The following DEDD variants were observed in gnomAD, a reference collection of about 807,000 sequenced individuals.
DEDD encodes death effector domain containing.
A neutral mutation model predicts 29.2 loss-of-function variants in DEDD; 3 were observed. The ratio of observed to expected loss-of-function variants is 0.10; its 90% CI spans 0.05 to 0.27. DEDD has a LOEUF of 0.27. DEDD is among the 10% of genes least tolerant of loss of function. The probability of loss-of-function intolerance (pLI) is 1.00; values close to 1 mark genes in which losing one functional copy is unlikely to be tolerated. For synonymous variants in DEDD, 152 were observed against 161.3 expected (o/e 0.94, Z 0.44); for missense variants, 261 against 420.5 (o/e 0.62, Z 3.32).
intron 2 of DEDD, among the ~76,000 whole-genome samples, chr1:161,130,062 CTG>C (rs1198201049): frequency 2.6e-5 from 4 of 152,158 alleles, no homozygotes; most frequent in Non-Finnish European, 4.4e-5. Flanking sequence ...CCAGGAATAT[CTG>C]TAGTTTTTGA....
intron 2 of DEDD, among the ~76,000 whole-genome samples, chr1:161,126,936 T>A (rs1376207083): frequency 3.3e-5 from 5 of 152,172 alleles, no homozygotes; most frequent in African/African-American, 1.2e-4. Flanking sequence ...TACACCCCCA[T>A]GCAGAGATAA....
chr1:161,124,415 A>G lies in DEDD; in HGVS notation c.48T>C (p.His16=). Residue 16 remains histidine, a synonymous_variant, in exon 3 of 6, where the codon CAT becomes CAC. Transcript: ENST00000368006. ...TGTACAGCCCATGTTCCTGCTCACC[A>G]TGCTCTTCTGGCCACACCTGGCTTG... ...RRASQVWPEE[H]GEQEHGLYSL... is the part of the protein sequence containing the mutation. The G allele has an allele frequency of 6.2e-7, 1 of 1,612,044 alleles. No homozygotes were observed. The highest frequency in any genetic ancestry group is 8.5e-7 in the Non-Finnish European group (1 of 1,178,418).
Position 161,121,972 on chromosome 1 carries a change from G to A in DEDD, c.*175C>T. 1 of 775,962 alleles carries A rather than the reference G, an allele frequency of 1.3e-6. No homozygotes were observed. The highest frequency in any genetic ancestry group is 1.9e-5 in the South Asian group (1 of 51,342). 48.1% of individuals were successfully genotyped at this position (775,962 alleles called of 1,614,324 possible). A position where few individuals can be genotyped will look rare whatever the true frequency, so the allele number is the denominator to read the frequency against. ...AATAAAGGGGAAGCCCAGGCACATG[G>A]GTGCAGGGAGGGGTGGGGAATACCA... On this transcript the variant is annotated 3_prime_UTR_variant, in exon 6 of 6. Coordinates refer to ENST00000368006, the MANE Select transcript of DEDD (RefSeq NM_032998.3).
At chr1:161,125,909 A>G (rs1373322803) in intron 2 of DEDD, among the ~76,000 whole-genome samples, 1 of 152,192 alleles carries the variant, frequency 6.6e-6, no homozygotes, top group Non-Finnish European at 1.5e-5. Context: ...CTTGATTCAC[A>G]AAGTTCCTCC....
intron 2 of DEDD, among the ~76,000 whole-genome samples, chr1:161,128,926 T>G (rs980912969): frequency 6.6e-6 from 1 of 152,220 alleles, no homozygotes; most frequent in Non-Finnish European, 1.5e-5. Flanking sequence ...GCCATTCAGC[T>G]GAGGAACAGG....
chr1:161,123,748 C>G, intron 4 of DEDD, 91 bp downstream of exon 4: 2 of 1,177,066 alleles, frequency 1.7e-6, no homozygotes, highest in Middle Eastern at 2.9e-4. Flanking sequence ...GCACAGCATC[C>G]TTTCATTTAA....
In DEDD at chr1:161,121,824, G is replaced by A; in HGVS notation, c.*323C>T. Reference sequence around the variant, plus strand: ...AACTCCTTAGTGCATCCAAAAAAAAGTGTTCACATCAATCCCTTACAAAGA... The same window carrying A: ...AACTCCTTAGTGCATCCAAAAAAAAATGTTCACATCAATCCCTTACAAAGA... On this transcript the variant is annotated 3_prime_UTR_variant, in exon 6 of 6. Transcript: ENST00000368006. 4.2e-6 allele frequency: 1 copy of A among 237,506 alleles called. No individual in the cohort carries two copies. Among genetic ancestry groups the A allele is most frequent in the Non-Finnish European group, 8.4e-6 (1 of 119,498 alleles). The allele number at this position is 237,506 out of a possible 1,614,324, so 14.7% of individuals were successfully genotyped here. A position where few individuals can be genotyped will look rare whatever the true frequency, so the allele number is the denominator to read the frequency against.
At chr1:161,124,754 G>A (rs922377933) in intron 2 of DEDD, 1 of 385,284 alleles carries the variant, frequency 2.6e-6, no homozygotes, top group African/African-American at 2.1e-5. Context: ...TTGAGCCCAG[G>A]CGTTTAAGAC....
Position 161,123,115 on chromosome 1 carries a change from C to G in DEDD, c.540G>C (p.Arg180=), listed in dbSNP as rs558356123. 7.4e-6 allele frequency: 12 copies of G among 1,614,080 alleles called. No individual in the cohort carries two copies. Among genetic ancestry groups the G allele is most frequent in the Middle Eastern group, 1.6e-4 (1 of 6,084 alleles). ...CCTTGGGATCTGGTGTCACTGACTT[C>G]CGGCGTTTTCGCTGGCTCCCAAGTG... The part of the protein sequence containing the change: ...RATLGSQRKR[R]KSVTPDPKEK... The change falls in exon 5 of 6, where the codon CGG becomes CGC. Residue 180 remains arginine, a synonymous_variant. Transcript: ENST00000368006.
chr1:161,126,468 C>T lies in DEDD; in HGVS notation c.-64-1942G>A, dbSNP rs1656183791. On this transcript the variant is annotated intron_variant, in intron 2 of 5. Coordinates refer to ENST00000368006, the MANE Select transcript of DEDD (RefSeq NM_032998.3). ...AAGCGATTCTCCTGCCTCAGCTTCC[C>T]GAGTAGCTGGGACTACAGGCACCCA... Among the ~76,000 whole-genome samples the T allele has an allele frequency of 2.0e-5, 3 of 151,764 alleles. No homozygotes were observed. The South Asian group carries it at 6.3e-4, about 32-fold the overall frequency.
In DEDD at chr1:161,132,538, C is replaced by T. The variant is rs1483539160; in HGVS notation, c.-98+13G>A. 6.5e-6 allele frequency: 1 copy of T among 154,318 alleles called. No individual in the cohort carries two copies. Among genetic ancestry groups the T allele is most frequent in the African/African-American group, 2.4e-5 (1 of 41,454 alleles). 9.6% of individuals were successfully genotyped at this position (154,318 alleles called of 1,614,324 possible). On this transcript the variant is annotated intron_variant, in intron 1 of 5. Transcript: ENST00000368006. Reference sequence around the variant, plus strand: ...GACTCCCTCTCCCCACTCCGGCCGCCCCTCCGCCTCACTCTCGGCTCAGGC... The same window carrying T: ...GACTCCCTCTCCCCACTCCGGCCGCTCCTCCGCCTCACTCTCGGCTCAGGC...
intron 4 of DEDD, 120 bp downstream of exon 4, chr1:161,123,719 T>TA: frequency 1.2e-6 from 1 of 857,682 alleles, no homozygotes; most frequent in Non-Finnish European, 1.8e-6. Context: ...TTTTTTTTTT[T>TA]ATGGGGCAAG....
At chr1:161,129,006 A>G (rs1428380123) in intron 2 of DEDD, among the ~76,000 whole-genome samples, 5 of 152,268 alleles carry the variant, frequency 3.3e-5, no homozygotes, top group African/African-American at 1.2e-4. Flanking sequence ...CTGGAGTTCT[A>G]TGGGGATATT....
chr1:161,129,186 G>C (rs1656421472), intron 2 of DEDD, among the ~76,000 whole-genome samples: 1 of 152,210 alleles, frequency 6.6e-6, no homozygotes, highest in African/African-American at 2.4e-5. Context: ...AGTTCCTCAA[G>C]GCCATGTGCT....
intron 3 of DEDD, 58 bp downstream of exon 3, chr1:161,124,080 T>G (rs1445402589): frequency 6.3e-7 from 1 of 1,582,874 alleles, no homozygotes; most frequent in Non-Finnish European, 8.6e-7. Context: ...ACGCCTATGC[T>G]GCTCCTTCCT....
chr1:161,124,340 A>T lies in DEDD; in HGVS notation c.123T>A (p.Asp41Glu). Residue 41 changes from aspartate (D) to glutamate (E), a missense_variant, in exon 3 of 6, where the codon GAT becomes GAA. Transcript: ENST00000368006. ...DIVGTHLTHR[D>E]VRVLSFLFVD... ...CAAAGAGGAAAGAAAGCACGCGCAC[A>T]TCTCTGTGTGTCAGATGAGTGCCCA... 1 of 1,614,224 alleles carries T rather than the reference A, an allele frequency of 6.2e-7. No homozygotes were observed. Among genetic ancestry groups the T allele is most frequent in the Non-Finnish European group, 8.5e-7 (1 of 1,180,046 alleles).
Position 161,124,494 on chromosome 1 carries a change from A to G in DEDD, c.-32T>C, listed in dbSNP as rs745952902. ...GGCTCAGGTACGCAATGCTTTCCAG[A>G]ATCCCTGCTCAGCAGCTGCAATCCC... On this transcript the variant is annotated 5_prime_UTR_variant, in exon 3 of 6. Transcript: ENST00000368006. 19 of 1,575,004 alleles carry G rather than the reference A, an allele frequency of 1.2e-5. No homozygotes were observed. The South Asian group carries it at 1.8e-4, about 15-fold the overall frequency.
chr1:161,123,904 A>C lies in DEDD; in HGVS notation c.368T>G (p.Ile123Ser), dbSNP rs1442810663. ...GAGGGCTCTGGGGGTCACATAGCGAATTGATGTCTCCTCCAGATACTTGTC... is the reference window on the plus strand; with the variant it reads ...GAGGGCTCTGGGGGTCACATAGCGACTTGATGTCTCCTCCAGATACTTGTC... ...LVDKYLEETSIRYVTPRALSD... is the reference protein window; with the variant it reads ...LVDKYLEETSSRYVTPRALSD... The change falls in exon 4 of 6, where the codon ATT becomes AGT. Residue 123 changes from isoleucine (I) to serine (S), a missense_variant. Physicochemically the swap from Ile to Ser is moderately radical, Grantham distance 142. Around this residue, in one of 2 missense-constraint regions of DEDD, gnomAD observed 203 missense variants for 268.7 expected, o/e 0.76. Transcript: ENST00000368006. 1 of 1,614,092 alleles carries C rather than the reference A, an allele frequency of 6.2e-7. No homozygotes were observed. Among genetic ancestry groups the C allele is most frequent in the Admixed American group, 1.7e-5 (1 of 60,020 alleles).
At position 161,123,421 on chromosome 1, in the gene DEDD, T is replaced by C. The variant is rs867326508; in HGVS notation, c.434-200A>G. 9.9e-5 allele frequency among the ~76,000 whole-genome samples: 15 copies of C among 152,148 alleles called. 1 individual carries two copies. Among genetic ancestry groups the C allele is most frequent in the African/African-American group, 3.6e-4 (15 of 41,496 alleles). On this transcript the variant is annotated intron_variant, in intron 4 of 5. Transcript: ENST00000368006. ...TTGGGAGGCCAAGGCGGGTGGATCA[T>C]GAGGTCAGGAGATCGAGACCATCCT...
Sources: gnomAD v4.1 joint callset for allele counts (sites outside exome capture counted in the v4.1 genomes callset) on GRCh38, gnomAD v4.1.1 for gene constraint, gnomAD v4.1.1 regional missense constraint, MANE v1.5 for transcripts, NCBI Gene and HGNC (gene_info 2026-07-23, HGNC 2026-07-21) for gene names.